NAGK: variants seen among roughly 807,000 people sequenced by gnomAD.
NAGK encodes the protein N-acetyl-D-glucosamine kinase.
A neutral mutation model predicts 42.9 loss-of-function variants in NAGK; 35 were observed. The observed-to-expected ratio is 0.82, with a 90% confidence interval of 0.62 to 1.08. The LOEUF (loss-of-function observed/expected upper bound fraction) is 1.08. Among genes scored for constraint, NAGK ranks in the 50% least tolerant of loss-of-function variants. The probability of loss-of-function intolerance (pLI) is 0.00; values close to 1 mark genes in which losing one functional copy is unlikely to be tolerated. For missense variants in NAGK, 446 were observed against 446.0 expected (o/e 1.00, Z 0.00); for synonymous variants, 172 against 176.0 (o/e 0.98, Z 0.18).
chr2:71,072,037 T>G (rs1388780398), intron 4 of NAGK, among the ~76,000 whole-genome samples: 3 of 151,564 alleles, frequency 2.0e-5, no homozygotes, highest in Admixed American at 1.3e-4. Flanking sequence ...AATCCAGGAG[T>G]GGGGTCAAAC....
chr2:71,068,480 C>T (rs1558722655), upstream of NAGK: 2 of 1,413,414 alleles, frequency 1.4e-6, no homozygotes, highest in Non-Finnish European at 1.8e-6. Context: ...CTGGAGGAGA[C>T]ACCAGAAGGA....
chr2:71,071,533 G>A (rs866472647), intron 3 of NAGK, 153 bp from the exon 4 acceptor site: 66 of 1,053,268 alleles, frequency 6.3e-5, no homozygotes, highest in Non-Finnish European at 8.2e-5. Context: ...CCTTCTGAGG[G>A]GTCATTGTGT....
At chr2:71,070,147 C>T (rs1671944552) in intron 1 of NAGK, 1 of 270,630 alleles carries the variant, frequency 3.7e-6, no homozygotes, top group Non-Finnish European at 7.3e-6. Flanking sequence ...TGAACACACA[C>T]TTCATACAGA....
upstream of NAGK, chr2:71,068,627 A>G: frequency 6.6e-7 from 1 of 1,522,902 alleles, no homozygotes; most frequent in South Asian, 1.2e-5. Flanking sequence ...GGAGGGAAGG[A>G]GGTGTCAGGC....
chr2:71,076,206 T>C (rs1672205985), intron 7 of NAGK: 1 of 185,738 alleles, frequency 5.4e-6, no homozygotes, highest in African/African-American at 2.4e-5. Context: ...TAGAAGTTGG[T>C]GGAGGGCACT....
Position 71,076,701 on chromosome 2 carries a change from G to A in NAGK, c.765G>A (p.Pro255=), listed in dbSNP as rs933462113. 2.2e-5 allele frequency: 36 copies of A among 1,612,154 alleles called. No individual in the cohort carries two copies. The Middle Eastern group carries it at 9.9e-4, about 44-fold the overall frequency. ...TAGCAGTGTTGCCCGAGATTGACCC[G>A]GTGAGTTGAGGTGGGAGTGAAGGTG... is the stretch of plus-strand genomic sequence containing the variant. ...HIVAVLPEID[P]VLFQGKIGLP... is the part of the protein sequence containing the mutation. Residue 255 remains proline (P), a splice_region_variant and synonymous_variant, in exon 8 of 10, where the codon CCG becomes CCA. Coordinates refer to ENST00000244204, the MANE Select transcript of NAGK (RefSeq NM_017567.6).
In NAGK at chr2:71,071,741, A is replaced by G. The variant is rs763158594; in HGVS notation, c.269A>G (p.Glu90Gly). The change falls in exon 4 of 10, where the codon GAG becomes GGG. Residue 90 changes from glutamate (E) to glycine (G), a missense_variant. Glu to Gly is a moderately conservative substitution (Grantham distance 98). Transcript: ENST00000244204. ...GACGCGGGGAGGATCCTGATCGAGG[A>G]GCTGAGGGACCGATTTCCCTACCTG... ...QEDAGRILIE[E>G]LRDRFPYLSE... The G allele has an allele frequency of 6.2e-7, 1 of 1,614,120 alleles. No individual in the cohort carries two copies. The highest frequency in any genetic ancestry group is 1.1e-5 in the South Asian group (1 of 91,074).
chr2:71,078,794 G>T lies in NAGK; in HGVS notation c.*286G>T, dbSNP rs779360259. On this transcript the variant is annotated 3_prime_UTR_variant, in exon 10 of 10. Transcript: ENST00000244204. ...ATCTGTATCCACTCAGCATGCACTT[G>T]GGCAGATGATTTGTCTGTGTGCTAC... The T allele has an allele frequency of 1.2e-5, 4 of 340,694 alleles. No homozygotes were observed. Among genetic ancestry groups the T allele is most frequent in the Non-Finnish European group, 2.2e-5 (4 of 185,058 alleles). The allele number at this position is 340,694 out of a possible 1,614,324, so 21.1% of individuals were successfully genotyped here. A position where few individuals can be genotyped will look rare whatever the true frequency, so the allele number is the denominator to read the frequency against.
chr2:71,072,293 T>C (rs1301446625), intron 4 of NAGK: 1 of 297,236 alleles, frequency 3.4e-6, no homozygotes, highest in East Asian at 7.6e-5. Context: ...CATAAGATGG[T>C]TTAGGGTATG....
At chr2:71,068,481 A>G (rs937437120), upstream of NAGK, 104 of 1,413,810 alleles carry the variant, frequency 7.4e-5, 1 homozygote, top group South Asian at 1.5e-3. Context: ...TGGAGGAGAC[A>G]CCAGAAGGAA....
chr2:71,068,323 T>G, upstream of NAGK: 1 of 517,784 alleles, frequency 1.9e-6, no homozygotes, highest in Non-Finnish European at 3.1e-6. Flanking sequence ...TTCCGGGCGT[T>G]TACAGGCAGG....
In NAGK at chr2:71,078,437, C is replaced by A; in HGVS notation, c.964C>A (p.His322Asn). 6.2e-7 allele frequency: 1 copy of A among 1,613,308 alleles called. No individual in the cohort carries two copies. The highest frequency in any genetic ancestry group is 8.5e-7 in the Non-Finnish European group (1 of 1,179,634). ...GGGTGGGGCCAGCCTAGGGGCCAGGCACATCGGGCACCTCCTCCCCATGGA... is the reference window on the plus strand; with the variant it reads ...GGGTGGGGCCAGCCTAGGGGCCAGGAACATCGGGCACCTCCTCCCCATGGA... ...ALGGASLGAR[H>N]IGHLLPMDYS... The change falls in exon 10 of 10, where the codon CAC (histidine) becomes AAC (asparagine). Residue 322 changes from histidine (H) to asparagine (N), a missense_variant. Coordinates refer to ENST00000244204, the MANE Select transcript of NAGK (RefSeq NM_017567.6).
upstream of NAGK, chr2:71,068,532 G>GC (rs1671867636): frequency 3.4e-6 from 5 of 1,462,790 alleles, no homozygotes; most frequent in East Asian, 3.0e-5. Context: ...TCCTACCGGC[G>GC]CCCCGCCCCG....
At chr2:71,076,047 C>T in intron 7 of NAGK, 1 of 216,162 alleles carries the variant, frequency 4.6e-6, no homozygotes, top group South Asian at 8.2e-5. Flanking sequence ...GCTTGTATAT[C>T]TGTACATTGC....
At chr2:71,071,473 C>T (rs771269060) in intron 3 of NAGK, 31 of 604,298 alleles carry the variant, frequency 5.1e-5, no homozygotes, top group Admixed American at 1.3e-4. Context: ...ATTGTTGAAT[C>T]CCCTCTTTCT....
Position 71,070,736 on chromosome 2 carries a change from G to T in NAGK, c.115-5G>T. On this transcript the variant is annotated splice_polypyrimidine_tract_variant and splice_region_variant and intron_variant, in intron 2 of 9. Coordinates refer to ENST00000244204, the MANE Select transcript of NAGK (RefSeq NM_017567.6). ...GTAACTCCTTCTTCCCTTGATTGGG[G>T]CCAGCTGATCGGGACAGACAAGTGT... 2 of 1,614,178 alleles carry T rather than the reference G, an allele frequency of 1.2e-6. No homozygotes were observed. Among genetic ancestry groups the T allele is most frequent in the Non-Finnish European group, 1.7e-6 (2 of 1,180,022 alleles).
At chr2:71,071,272 G>A (rs935424244) in intron 3 of NAGK, 4 of 268,666 alleles carry the variant, frequency 1.5e-5, no homozygotes, top group South Asian at 5.9e-5. Flanking sequence ...ATTTACTCCT[G>A]GTTCAGATCT....
At chr2:71,070,894 GC>G (rs1671979790) in intron 3 of NAGK, 55 bp downstream of exon 3, 2 of 1,572,686 alleles carry the variant, frequency 1.3e-6, no homozygotes, top group East Asian at 4.5e-5. Flanking sequence ...GAGACAGCTA[GC>G]AAGTTTGGAC....
rs1572981582 is a variant in NAGK at position 71,075,449 on chromosome 2, T to C, written c.580-106T>C. The C allele has an allele frequency of 5.0e-6, 4 of 795,590 alleles. No individual in the cohort carries two copies. The East Asian group carries it at 1.0e-4, about 21-fold the overall frequency. The allele number at this position is 795,590 out of a possible 1,614,324, so 49.3% of individuals were successfully genotyped here. ...TGTACTTTGGAGTTAAAAAAAATTA[T>C]TCTAGCTTTTCCAACAGTAGAGACA... On this transcript the variant is annotated intron_variant, in intron 6 of 9. Transcript: ENST00000244204.
Sources: allele counts gnomAD v4.1 joint callset (sites outside exome capture counted in the v4.1 genomes callset), GRCh38; gene constraint gnomAD v4.1.1; transcripts MANE v1.5; gene names NCBI Gene and HGNC (gene_info 2026-07-23, HGNC 2026-07-21).